Variants in CEP128 observed in about 807,000 individuals in gnomAD.
CEP128 encodes the protein centrosomal protein 128kDa.
In CEP128, 132 loss-of-function variants were observed where a neutral mutation model predicts 156.7. That is an observed-to-expected ratio of 0.84 (90% CI 0.73 to 0.97). The LOEUF (loss-of-function observed/expected upper bound fraction) is 0.97, where lower values mean the gene tolerates loss of function less well. Ranked by LOEUF, CEP128 falls within the 50% of genes least tolerant of loss-of-function variation. CEP128 has a pLI of 0.00. For missense variants in CEP128, 1,252 were observed against 1,281.9 expected, an observed-to-expected ratio of 0.98 and a Z score of 0.36; for synonymous variants, 469 against 448.9, an observed-to-expected ratio of 1.04 and a Z score of -0.57.
intron 19 of CEP128, among the ~76,000 whole-genome samples, chr14:80,681,201 A>C (rs764667425): frequency 1.3e-5 from 2 of 152,184 alleles, no homozygotes; most frequent in African/African-American, 2.4e-5. Context: ...AGGAAGGGAA[A>C]AGGTAAAAAG....
At chr14:80,552,885 TA>T (rs1309700995) in intron 21 of CEP128, among the ~76,000 whole-genome samples, 1 of 152,198 alleles carries the variant, frequency 6.6e-6, no homozygotes, top group Non-Finnish European at 1.5e-5. Flanking sequence ...TTATTTGGTT[TA>T]CAGAAGTTCT....
chr14:80,527,844 A>C (rs200457072), intron 22 of CEP128, among the ~76,000 whole-genome samples: 1 of 152,216 alleles, frequency 6.6e-6, no homozygotes, highest in East Asian at 1.9e-4. Flanking sequence ...AAAAAAAATT[A>C]AGAAAACAAA....
chr14:80,510,271 T>C (rs996421964), intron 23 of CEP128, among the ~76,000 whole-genome samples: 5 of 152,154 alleles, frequency 3.3e-5, no homozygotes, highest in African/African-American at 1.2e-4. Flanking sequence ...TTTCCATTTT[T>C]TTGTATGTGT....
chr14:80,916,539 T>C lies in CEP128; in HGVS notation c.9A>G (p.Glu3=), dbSNP rs1286660694. MA[E]SSSESDHFRC... is the part of the protein sequence containing the mutation. Reference sequence around the variant, plus strand: ...GGAAGTGATCTGATTCGCTGGATGATTCTGCCATTGATGTACACAAATCCT... The same window carrying C: ...GGAAGTGATCTGATTCGCTGGATGACTCTGCCATTGATGTACACAAATCCT... The change falls in exon 3 of 25, where the codon GAA becomes GAG. Residue 3 remains glutamate, a synonymous_variant. Transcript: ENST00000555265. 6.2e-7 allele frequency: 1 copy of C among 1,613,694 alleles called. No homozygotes were observed. Among genetic ancestry groups the C allele is most frequent in the South Asian group, 1.1e-5 (1 of 91,008 alleles).
At chr14:80,592,790 A>G (rs1205504459) in intron 19 of CEP128, among the ~76,000 whole-genome samples, 1 of 152,214 alleles carries the variant, frequency 6.6e-6, no homozygotes, top group African/African-American at 2.4e-5. Flanking sequence ...CACATCAATA[A>G]GCTTATCCAT....
chr14:80,937,814 ATTATTT>A (rs1885898396), intron 2 of CEP128, among the ~76,000 whole-genome samples: 1 of 152,112 alleles, frequency 6.6e-6, no homozygotes, highest in African/African-American at 2.4e-5. Context: ...GTAAATCTAG[ATTATTT>A]TTATATTATT....
intron 23 of CEP128, among the ~76,000 whole-genome samples, chr14:80,520,901 C>A (rs1228921600): frequency 1.3e-5 from 2 of 151,904 alleles, no homozygotes; most frequent in Non-Finnish European, 2.9e-5. Flanking sequence ...CGGCTCACTG[C>A]AAGCTCTGCC....
rs759123123 is a variant in CEP128, at chr14:80,831,308, ATGTAAGGCTCAAGGGT to A, written c.1058-30_1058-15del. ...CCCGCTCAACCCCTTAAAAGATAAA[ATGTAAGGCTCAAGGGT>A]TGTTCTTTATTCACAGAAGAATGTA... On this transcript the variant is annotated splice_polypyrimidine_tract_variant and intron_variant, in intron 12 of 24. Coordinates refer to ENST00000555265, the MANE Select transcript of CEP128 (RefSeq NM_152446.5). 17 of 1,613,516 alleles carry A rather than the reference ATGTAAGGCTCAAGGGT, an allele frequency of 1.1e-5. No homozygotes were observed. Among genetic ancestry groups the A allele is most frequent in the Non-Finnish European group, 1.4e-5 (17 of 1,179,682 alleles).
intron 9 of CEP128, among the ~76,000 whole-genome samples, chr14:80,853,326 T>C (rs1886988099): frequency 6.6e-6 from 1 of 151,696 alleles, no homozygotes; most frequent in Non-Finnish European, 1.5e-5. Context: ...AAGAAAAGAA[T>C]TATAAAGAGA....
chr14:80,478,195 G>A (rs577850819), exon 15 of CEP128: 7 of 152,222 alleles, frequency 4.6e-5, no homozygotes, highest in Non-Finnish European at 1.0e-4. Flanking sequence ...GCACTGGCTG[G>A]AGTGTAGAAA....
intron 15 of CEP128, among the ~76,000 whole-genome samples, chr14:80,783,560 A>T (rs1901238757): frequency 6.6e-6 from 1 of 152,214 alleles, no homozygotes; most frequent in South Asian, 2.1e-4. Context: ...TGTTATTGTC[A>T]CAGCCAATCA....
intron 19 of CEP128, among the ~76,000 whole-genome samples, chr14:80,621,528 A>G (rs973949791): frequency 2.0e-5 from 3 of 152,214 alleles, no homozygotes; most frequent in African/African-American, 7.2e-5. Flanking sequence ...ATTTAACACA[A>G]ATTCTACAGA....
chr14:80,831,861 T>C (rs1885819256), intron 12 of CEP128, among the ~76,000 whole-genome samples: 1 of 152,210 alleles, frequency 6.6e-6, no homozygotes, highest in Non-Finnish European at 1.5e-5. Flanking sequence ...TAATACCTTC[T>C]TCTAATATAA....
chr14:80,717,084 T>C (rs745377246), intron 19 of CEP128, among the ~76,000 whole-genome samples: 1 of 152,158 alleles, frequency 6.6e-6, no homozygotes, highest in Non-Finnish European at 1.5e-5. Context: ...CATTTCATTA[T>C]TGAGTTACAG....
rs545390341 is a variant in CEP128 at position 80,899,898 on chromosome 14, A to C, written c.572+40T>G. 131 of 1,354,940 alleles carry C rather than the reference A, an allele frequency of 9.7e-5. 3 individuals carry two copies. In the South Asian group the frequency reaches 1.5e-3, roughly 16 times the overall value. 83.9% of individuals were successfully genotyped at this position (1,354,940 alleles called of 1,614,324 possible). A position where few individuals can be genotyped will look rare whatever the true frequency, so the allele number is the denominator to read the frequency against. Reference sequence around the variant, plus strand: ...TTACAGAAGCTAATTTATTCTCCTCATAATTTATCCCTCCCATAAAAACCA... The same window carrying C: ...TTACAGAAGCTAATTTATTCTCCTCCTAATTTATCCCTCCCATAAAAACCA... On this transcript the variant is annotated intron_variant, in intron 7 of 24. Coordinates refer to ENST00000555265, the MANE Select transcript of CEP128 (RefSeq NM_152446.5).
chr14:80,822,971 T>C lies in CEP128; in HGVS notation c.1209+8172A>G, dbSNP rs1484445954. On this transcript the variant is annotated intron_variant, in intron 13 of 24. Transcript: ENST00000555265. ...GAAGGGGCATACGTCACTAACAGAA[T>C]GTCTCCAAAGCTGGACTGATGTGGG... is the stretch of plus-strand genomic sequence containing the variant. Among the ~76,000 whole-genome samples, 3 of 152,354 alleles carry C rather than the reference T, an allele frequency of 2.0e-5. No individual in the cohort carries two copies. In the East Asian group the frequency reaches 5.8e-4, roughly 29 times the overall value.
At position 80,721,342 on chromosome 14, in the gene CEP128, T is replaced by C. The variant is rs117635514; in HGVS notation, c.2806+21733A>G. On this transcript the variant is annotated intron_variant, in intron 19 of 24. Coordinates refer to ENST00000555265, the MANE Select transcript of CEP128 (RefSeq NM_152446.5). ...ACCAAAAAATGGCCAGTATAAATGATCCTCTAGGGCTATTCTGTTCAATAT... is the reference window on the plus strand; with the variant it reads ...ACCAAAAAATGGCCAGTATAAATGACCCTCTAGGGCTATTCTGTTCAATAT... Among the ~76,000 whole-genome samples the C allele has an allele frequency of 4.4e-3, 675 of 152,252 alleles. 2 individuals are homozygous for C. Among genetic ancestry groups the C allele is most frequent in the Non-Finnish European group, 8.0e-3 (541 of 67,998 alleles).
chr14:80,734,436 T>C (rs1898427223), intron 19 of CEP128, among the ~76,000 whole-genome samples: 1 of 150,190 alleles, frequency 6.7e-6, no homozygotes, highest in Non-Finnish European at 1.5e-5. Context: ...CACCCTGACT[T>C]TTTTTTTTAG....
chr14:80,681,053 T>C (rs1208656985), intron 19 of CEP128, among the ~76,000 whole-genome samples: 2 of 152,142 alleles, frequency 1.3e-5, no homozygotes, highest in Non-Finnish European at 1.5e-5. Flanking sequence ...AGTCGGCTCT[T>C]GCTCATAAAT....
Sources: gnomAD v4.1 joint callset for allele counts (sites outside exome capture counted in the v4.1 genomes callset) on GRCh38, gnomAD v4.1.1 for gene constraint, MANE v1.5 for transcripts, NCBI Gene and HGNC (gene_info 2026-07-23, HGNC 2026-07-21) for gene names.